Variants in MPHOSPH8 observed in about 807,000 individuals in gnomAD.
MPHOSPH8 encodes the protein M-phase phosphoprotein, mpp.
MPHOSPH8 carries 45 observed loss-of-function variants against 87.3 expected under a neutral mutation model. That is an observed-to-expected ratio of 0.52 (90% CI 0.41 to 0.66). The LOEUF is 0.66. Among genes scored for constraint, MPHOSPH8 ranks in the 30% least tolerant of loss-of-function variants. The pLI is 0.00. For synonymous variants in MPHOSPH8, 366 were observed against 376.9 expected (o/e 0.97, Z 0.33); for missense variants, 883 against 1,020.2 (o/e 0.87, Z 1.83).
intron 5 of MPHOSPH8, 90 bp downstream of exon 5, chr13:19,650,350 C>G: frequency 7.1e-7 from 1 of 1,400,520 alleles, no homozygotes; most frequent in Non-Finnish European, 9.7e-7. Flanking sequence ...TCTCAACGAT[C>G]AAAAAATAAT....
In MPHOSPH8 at chr13:19,661,854, T is replaced by C. The variant is rs189854382; in HGVS notation, c.1932+16T>C. ...TGCAGAGAAGGTTTGTGGCTTCTTATGCATCAGTTTCAGAGCTTTCATGGT... is the reference window on the plus strand; with the variant it reads ...TGCAGAGAAGGTTTGTGGCTTCTTACGCATCAGTTTCAGAGCTTTCATGGT... On this transcript the variant is annotated intron_variant, in intron 8 of 13. Transcript: ENST00000361479. The C allele has an allele frequency of 3.3e-4, 526 of 1,594,998 alleles. No homozygotes were observed. Among genetic ancestry groups the C allele is most frequent in the Non-Finnish European group, 2.5e-5 (29 of 1,168,868 alleles).
At chr13:19,661,419 AAC>A (rs1269426644) in intron 7 of MPHOSPH8, among the ~76,000 whole-genome samples, 6 of 152,216 alleles carry the variant, frequency 3.9e-5, no homozygotes, top group Admixed American at 6.5e-5. Context: ...CTTTGTAAAA[AAC>A]ACAGTCCCTG....
chr13:19,642,216 A>G lies in MPHOSPH8; in HGVS notation c.315A>G (p.Glu105=). The change falls in exon 2 of 14, where the codon GAA becomes GAG. Residue 105 remains glutamate (E), a synonymous_variant. Transcript: ENST00000361479. ...HLEDCKEVLL[E]FRKKIAENKA... ...AGGACTGTAAAGAAGTGCTTCTTGA[A>G]TTTAGGAAGAAAATTGCAGAGAACA... 1.2e-6 allele frequency: 2 copies of G among 1,611,914 alleles called. No homozygotes were observed. The highest frequency in any genetic ancestry group is 1.7e-6 in the Non-Finnish European group (2 of 1,179,328).
chr13:19,659,075 G>C lies in MPHOSPH8; in HGVS notation c.1657G>C (p.Asp553His), dbSNP rs149143823. ...GTTGGAAGATTTCCAAAAGCACCTT[G>C]ATGGGAAAGATGAGAATTTTGCTGC... ...MKLEDFQKHL[D>H]GKDENFAATD... Residue 553 changes from aspartate (D) to histidine (H), a missense_variant, in exon 6 of 14, where the codon GAT (aspartate) becomes CAT (histidine). Asp to His is a moderately conservative substitution (Grantham distance 81). Coordinates refer to ENST00000361479, the MANE Select transcript of MPHOSPH8 (RefSeq NM_017520.4). 6.2e-7 allele frequency: 1 copy of C among 1,614,190 alleles called. No individual in the cohort carries two copies. The highest frequency in any genetic ancestry group is 2.2e-5 in the East Asian group (1 of 44,874).
chr13:19,641,429 T>G (rs11618992), intron 1 of MPHOSPH8, among the ~76,000 whole-genome samples: 15,993 of 150,368 alleles, frequency 0.11, 974 homozygotes, highest in Middle Eastern at 0.14. Flanking sequence ...TACAAGCGAT[T>G]CTCCTGCCTC....
intron 12 of MPHOSPH8, 112 bp downstream of exon 12, chr13:19,670,475 T>C: frequency 8.1e-7 from 1 of 1,233,984 alleles, no homozygotes; most frequent in Non-Finnish European, 1.1e-6. Context: ...CAGAAAACGA[T>C]CCAGTAATAG....
Position 19,633,722 on chromosome 13 carries a change from T to G in MPHOSPH8, c.-27T>G. ...CTGGGGTGTTTGTCGCAGCGGGTTT[T>G]CCTCGGCGGTTTGCGGAGCTGCTAG... On this transcript the variant is annotated 5_prime_UTR_variant, in exon 1 of 14. Coordinates refer to ENST00000361479, the MANE Select transcript of MPHOSPH8 (RefSeq NM_017520.4). 6.4e-7 allele frequency: 1 copy of G among 1,566,018 alleles called. No homozygotes were observed. The highest frequency in any genetic ancestry group is 8.7e-7 in the Non-Finnish European group (1 of 1,155,432).
intron 1 of MPHOSPH8, among the ~76,000 whole-genome samples, chr13:19,637,753 A>T (rs1026346424): frequency 1.3e-5 from 2 of 152,030 alleles, no homozygotes; most frequent in African/African-American, 4.8e-5. Context: ...GTGCTGTCTC[A>T]TCTTTAATTT....
In MPHOSPH8 at chr13:19,650,118, A is replaced by G; in HGVS notation, c.1434A>G (p.Ile478Met). 1 of 1,614,170 alleles carries G rather than the reference A, an allele frequency of 6.2e-7. No individual in the cohort carries two copies. Among genetic ancestry groups the G allele is most frequent in the South Asian group, 1.1e-5 (1 of 91,086 alleles). The change falls in exon 5 of 14, where the codon ATA becomes ATG. Residue 478 changes from isoleucine to methionine, a missense_variant. By Grantham distance (10) the Ile-to-Met change is conservative. Coordinates refer to ENST00000361479, the MANE Select transcript of MPHOSPH8 (RefSeq NM_017520.4). ...AAATACCACTGGATTTTAAAACCATAGACGATCACAAAACCAAGGAAAACA... is the reference window on the plus strand; with the variant it reads ...AAATACCACTGGATTTTAAAACCATGGACGATCACAAAACCAAGGAAAACA... Reference protein sequence around the residue: ...REEIPLDFKTIDDHKTKENKQ... With the variant: ...REEIPLDFKTMDDHKTKENKQ...
At chr13:19,671,331 G>T in intron 13 of MPHOSPH8, 42 bp downstream of exon 13, 1 of 1,546,862 alleles carries the variant, frequency 6.5e-7, no homozygotes, top group Non-Finnish European at 8.9e-7. Context: ...TACTCAAGTT[G>T]TTGCTCCAGA....
chr13:19,636,024 C>T (rs1007544000), intron 1 of MPHOSPH8, among the ~76,000 whole-genome samples: 2 of 152,164 alleles, frequency 1.3e-5, no homozygotes, highest in African/African-American at 4.8e-5. Context: ...TTGCCTTCCG[C>T]CATGATTATA....
At chr13:19,656,292 A>AAAAG in intron 5 of MPHOSPH8, among the ~76,000 whole-genome samples, 1 of 151,088 alleles carries the variant, frequency 6.6e-6, no homozygotes, top group Admixed American at 6.6e-5. Context: ...AAAAAAAAAA[A>AAAAG]AAAAAAAACT....
intron 10 of MPHOSPH8, among the ~76,000 whole-genome samples, chr13:19,667,025 G>T (rs1237342761): frequency 6.6e-6 from 1 of 152,008 alleles, no homozygotes; most frequent in Non-Finnish European, 1.5e-5. Context: ...AGCCGGGCGT[G>T]GTGGTGGGTA....
intron 9 of MPHOSPH8, among the ~76,000 whole-genome samples, chr13:19,665,464 C>T (rs1031507613): frequency 2.6e-5 from 4 of 152,342 alleles, no homozygotes; most frequent in East Asian, 1.9e-4. Flanking sequence ...TCACCCTCCC[C>T]GTGGCTGTAA....
At chr13:19,657,001 G>A (rs2137528304) in intron 5 of MPHOSPH8, among the ~76,000 whole-genome samples, 1 of 145,818 alleles carries the variant, frequency 6.9e-6, no homozygotes, top group African/African-American at 2.5e-5. Flanking sequence ...ATACGCCTGT[G>A]GTCCCAGCTA....
chr13:19,652,376 A>C (rs563363137), intron 5 of MPHOSPH8, among the ~76,000 whole-genome samples: 2 of 152,278 alleles, frequency 1.3e-5, no homozygotes, highest in East Asian at 3.9e-4. Context: ...GGACTGTGCC[A>C]TGAGGAACGG....
At chr13:19,666,298 T>G in intron 9 of MPHOSPH8, 127 bp from the exon 10 acceptor site, 1 of 997,932 alleles carries the variant, frequency 1.0e-6, no homozygotes, top group Non-Finnish European at 1.4e-6. Flanking sequence ...GCCCCAAAAG[T>G]TCTCTATCCT....
At chr13:19,671,162 G>C in intron 12 of MPHOSPH8, 44 bp from the exon 13 acceptor site, 2 of 1,599,934 alleles carry the variant, frequency 1.3e-6, no homozygotes, top group Non-Finnish European at 1.7e-6. Context: ...GGCTTCTGGT[G>C]TAAGTTTGAA....
Position 19,672,508 on chromosome 13 carries a change from A to T in MPHOSPH8, c.*633A>T, listed in dbSNP as rs1368758744. 1 of 152,168 alleles carries T rather than the reference A, an allele frequency of 6.6e-6. No individual in the cohort carries two copies. The highest frequency in any genetic ancestry group is 1.9e-4 in the East Asian group (1 of 5,188). 9.4% of individuals were successfully genotyped at this position (152,168 alleles called of 1,614,324 possible). On this transcript the variant is annotated 3_prime_UTR_variant, in exon 14 of 14. Transcript: ENST00000361479. ...GTGAACTTCTGTGCTTAAAAAAAAA[A>T]AAAAAAAAAGGAAAAATTCAGCTCT...
Sources: allele counts gnomAD v4.1 joint callset (sites outside exome capture counted in the v4.1 genomes callset), GRCh38; gene constraint gnomAD v4.1.1; transcripts MANE v1.5; gene names NCBI Gene and HGNC (gene_info 2026-07-23, HGNC 2026-07-21).